KCNB2: variants seen among roughly 807,000 people sequenced by gnomAD.
KCNB2 encodes potassium voltage-gated channel subfamily B member 2, also known as delayed rectifier potassium channel protein.
A neutral mutation model predicts 61.5 loss-of-function variants in KCNB2; 15 were observed. The observed-to-expected ratio is 0.24, with a 90% CI of 0.16 to 0.38. The LOEUF (loss-of-function observed/expected upper bound fraction) is 0.38, where lower values mean the gene tolerates loss of function less well. KCNB2 is among the 10% of genes least tolerant of loss of function. The pLI is 1.00. For missense variants in KCNB2, 828 were observed against 1,125.2 expected, an observed-to-expected ratio of 0.74 and a Z score of 3.78; for synonymous variants, 457 against 446.0, an observed-to-expected ratio of 1.02 and a Z score of -0.31.
chr8:72,642,306 T>C (rs1441766800), intron 2 of KCNB2, among the ~76,000 whole-genome samples: 5 of 152,204 alleles, frequency 3.3e-5, no homozygotes, highest in African/African-American at 9.6e-5. Context: ...AAATGAAATA[T>C]GTTATTACAC....
chr8:72,596,800 T>G (rs140317845), intron 2 of KCNB2, among the ~76,000 whole-genome samples: 1 of 152,154 alleles, frequency 6.6e-6, no homozygotes, highest in Non-Finnish European at 1.5e-5. Context: ...ATTGTTGCCA[T>G]GAACTTTGGC....
chr8:72,920,474 T>TATAG (rs1491191716), intron 2 of KCNB2, among the ~76,000 whole-genome samples: 1 of 96,610 alleles, frequency 1.0e-5, no homozygotes, highest in Non-Finnish European at 2.0e-5. Flanking sequence ...TCTATCTATC[T>TATAG]ATATATATAT....
chr8:72,887,745 A>G (rs979446634), intron 2 of KCNB2, among the ~76,000 whole-genome samples: 1 of 152,160 alleles, frequency 6.6e-6, no homozygotes, highest in Non-Finnish European at 1.5e-5. Context: ...TGCCATTCCC[A>G]GGTGGGATCC....
intron 2 of KCNB2, among the ~76,000 whole-genome samples, chr8:72,684,233 G>A (rs749764112): frequency 3.9e-5 from 6 of 152,218 alleles, no homozygotes; most frequent in East Asian, 3.9e-4. Context: ...TGAGCCAAGC[G>A]TGTGGTCACT....
intron 2 of KCNB2, among the ~76,000 whole-genome samples, chr8:72,764,967 A>T (rs1017955768): frequency 6.6e-6 from 1 of 152,164 alleles, no homozygotes; most frequent in Non-Finnish European, 1.5e-5. Flanking sequence ...GGCTATGACA[A>T]ATATTCTTTT....
chr8:72,913,304 C>T (rs1267576268), intron 2 of KCNB2, among the ~76,000 whole-genome samples: 4 of 152,038 alleles, frequency 2.6e-5, no homozygotes, highest in African/African-American at 7.3e-5. Flanking sequence ...ATTTCAGGAA[C>T]AATAATGATC....
At chr8:72,669,568 C>G (rs2119257) in intron 2 of KCNB2, among the ~76,000 whole-genome samples, 6 of 152,026 alleles carry the variant, frequency 3.9e-5, no homozygotes, top group Non-Finnish European at 5.9e-5. Context: ...AAAAAAAACC[C>G]TCTAATTGCC....
At chr8:72,924,710 G>A (rs1806600990) in intron 2 of KCNB2, among the ~76,000 whole-genome samples, 1 of 152,120 alleles carries the variant, frequency 6.6e-6, no homozygotes, top group Non-Finnish European at 1.5e-5. Flanking sequence ...AAGTGCTTGG[G>A]CCCATTCAAA....
At chr8:72,545,295 T>C (rs968037266) in intron 1 of KCNB2, among the ~76,000 whole-genome samples, 1 of 152,220 alleles carries the variant, frequency 6.6e-6, no homozygotes, top group Non-Finnish European at 1.5e-5. Flanking sequence ...CTTTGTTTTA[T>C]TGTGCTTAAC....
chr8:72,872,722 C>T (rs1257900248), intron 2 of KCNB2, among the ~76,000 whole-genome samples: 1 of 152,192 alleles, frequency 6.6e-6, no homozygotes, highest in African/African-American at 2.4e-5. Flanking sequence ...GAGTTAGAAA[C>T]ATGGTCTCCA....
chr8:72,904,364 CAG>C (rs1405698209), intron 2 of KCNB2, among the ~76,000 whole-genome samples: 2 of 152,030 alleles, frequency 1.3e-5, no homozygotes, highest in African/African-American at 2.4e-5. Context: ...TTTTTTAACA[CAG>C]GGGGTAGAAG....
At chr8:72,868,749 T>G (rs1393954817) in intron 2 of KCNB2, among the ~76,000 whole-genome samples, 1 of 152,196 alleles carries the variant, frequency 6.6e-6, no homozygotes, top group African/African-American at 2.4e-5. Context: ...AATGTGTTGT[T>G]CTAAATTGAT....
intron 2 of KCNB2, among the ~76,000 whole-genome samples, chr8:72,868,735 A>G (rs896392523): frequency 5.9e-5 from 9 of 152,196 alleles, no homozygotes; most frequent in African/African-American, 2.2e-4. Flanking sequence ...GCAGCAAGAC[A>G]TAAAATGTGT....
At chr8:72,830,227 CAAAAA>C (rs543474001) in intron 2 of KCNB2, among the ~76,000 whole-genome samples, 6 of 83,424 alleles carry the variant, frequency 7.2e-5, no homozygotes, top group African/African-American at 2.4e-4. Flanking sequence ...TCATATTTTC[CAAAAA>C]AAAAAAAAAA....
chr8:72,932,536 C>A (rs1168368202), intron 2 of KCNB2, among the ~76,000 whole-genome samples: 1 of 152,024 alleles, frequency 6.6e-6, no homozygotes, highest in African/African-American at 2.4e-5. Flanking sequence ...TTGTTTAATC[C>A]TAAACAGGTC....
chr8:72,753,452 T>C (rs1808234739), intron 2 of KCNB2, among the ~76,000 whole-genome samples: 1 of 152,198 alleles, frequency 6.6e-6, no homozygotes, highest in South Asian at 2.1e-4. Context: ...GAGCTTATAG[T>C]CTAGTCCAGA....
intron 2 of KCNB2, among the ~76,000 whole-genome samples, chr8:72,802,532 G>A (rs1473030968): frequency 6.6e-6 from 1 of 152,132 alleles, no homozygotes. Flanking sequence ...AATCAACTTA[G>A]AGGAAGTTTT....
intron 2 of KCNB2, among the ~76,000 whole-genome samples, chr8:72,860,584 G>A (rs1810283815): frequency 6.6e-6 from 1 of 152,152 alleles, no homozygotes; most frequent in African/African-American, 2.4e-5. Flanking sequence ...GGCCTTTCCT[G>A]TTTCTGCTCA....
At chr8:72,763,044 TA>T (rs36134958) in intron 2 of KCNB2, among the ~76,000 whole-genome samples, 1,629 of 137,524 alleles carry the variant, frequency 0.012, 24 homozygotes, top group Non-Finnish European at 0.018. Context: ...CTTTGCAAAG[TA>T]AAAAAAAAAA....
Sources: allele counts gnomAD v4.1 joint callset (sites outside exome capture counted in the v4.1 genomes callset), GRCh38; gene constraint gnomAD v4.1.1; transcripts MANE v1.5; gene names NCBI Gene and HGNC (gene_info 2026-07-23, HGNC 2026-07-21).